The following LHPP variants were observed in gnomAD, a reference collection of about 807,000 sequenced individuals.
The protein encoded by LHPP is hLHPP.
In LHPP, 24 loss-of-function variants were observed where a neutral mutation model predicts 30.3. The ratio of observed to expected loss-of-function variants is 0.79; its 90% CI spans 0.57 to 1.11. LHPP has a LOEUF of 1.11. LHPP is among the 50% of genes most tolerant of loss of function. The pLI is 0.00. For synonymous variants in LHPP, 150 were observed against 157.1 expected (o/e 0.95, Z 0.34); for missense variants, 356 against 367.2 (o/e 0.97, Z 0.25).
intron 5 of LHPP, among the ~76,000 whole-genome samples, chr10:124,504,632 G>A (rs1397216561): frequency 6.6e-6 from 1 of 151,358 alleles, no homozygotes; most frequent in Non-Finnish European, 1.5e-5. Context: ...AAGAAGGAAG[G>A]AAGGAAAGAA....
chr10:124,589,843 G>C (rs972559205), intron 6 of LHPP, among the ~76,000 whole-genome samples: 1 of 152,146 alleles, frequency 6.6e-6, no homozygotes, highest in Non-Finnish European at 1.5e-5. Flanking sequence ...GTGCAGCCCC[G>C]TCCTCCAGCC....
intron 1 of LHPP, among the ~76,000 whole-genome samples, chr10:124,480,055 T>C (rs1445639253): frequency 3.9e-5 from 6 of 152,254 alleles, no homozygotes; most frequent in African/African-American, 1.4e-4. Context: ...ACCACCGTCC[T>C]TACCCAGATG....
intron 6 of LHPP, among the ~76,000 whole-genome samples, chr10:124,535,840 AG>A (rs575776162): frequency 1.4e-3 from 213 of 152,340 alleles, no homozygotes; most frequent in African/African-American, 4.9e-3. Flanking sequence ...GGGCTGCAAG[AG>A]CAGCTGCTTC....
chr10:124,533,394 A>G (rs1210694100), intron 6 of LHPP, among the ~76,000 whole-genome samples: 1 of 152,150 alleles, frequency 6.6e-6, no homozygotes, highest in Non-Finnish European at 1.5e-5. Context: ...ATGTCACCCA[A>G]AAGTTTGTGT....
At chr10:124,464,560 G>C (rs1439063642) in intron 1 of LHPP, among the ~76,000 whole-genome samples, 1 of 152,166 alleles carries the variant, frequency 6.6e-6, no homozygotes, top group Non-Finnish European at 1.5e-5. Context: ...AGTGTTGGCT[G>C]AAGTTCAGGG....
chr10:124,517,958 A>T lies in LHPP; in HGVS notation c.716+687A>T, dbSNP rs952313488. Among the ~76,000 whole-genome samples, 2 of 152,206 alleles carry T rather than the reference A, an allele frequency of 1.3e-5. No individual in the cohort carries two copies. Among genetic ancestry groups the T allele is most frequent in the Admixed American group, 6.5e-5 (1 of 15,286 alleles). On this transcript the variant is annotated intron_variant, in intron 6 of 6. Transcript: ENST00000368842. The surrounding 1 kb of genome is among the most constrained non-coding windows in gnomAD (Gnocchi z 4.1). ...TCGATTGTGGCCATTCAGAGAAAGT[A>T]CATCTTTGCAGATGCTGGGGAGACT...
At chr10:124,600,373 G>A (rs979118994) in intron 6 of LHPP, among the ~76,000 whole-genome samples, 1 of 152,266 alleles carries the variant, frequency 6.6e-6, no homozygotes, top group Non-Finnish European at 1.5e-5. Context: ...GGCGACTGGG[G>A]CAGGGTGGGG....
intron 6 of LHPP, among the ~76,000 whole-genome samples, chr10:124,602,084 C>G (rs1949030576): frequency 1.3e-5 from 2 of 152,296 alleles, no homozygotes; most frequent in South Asian, 2.1e-4. Context: ...CCGGGTCTAG[C>G]CAGAGTCAAC....
chr10:124,597,929 G>A lies in LHPP; in HGVS notation c.717-15335G>A, dbSNP rs545476613. On this transcript the variant is annotated intron_variant, in intron 6 of 6. Transcript: ENST00000368842. ...GCTCTGCTCCAAGGCCCTACGCCCA[G>A]GCCCGTCCCTCTGCCAAAGCGAGCC... Among the ~76,000 whole-genome samples the A allele has an allele frequency of 3.3e-5, 5 of 152,324 alleles. No individual in the cohort carries two copies. The South Asian group carries it at 1.0e-3, about 32-fold the overall frequency.
chr10:124,476,243 C>T (rs1004927610), intron 1 of LHPP, among the ~76,000 whole-genome samples: 2 of 152,174 alleles, frequency 1.3e-5, no homozygotes, highest in Admixed American at 1.3e-4. Flanking sequence ...TCTCTTCTCT[C>T]CATTCAAACT....
At chr10:124,578,513 C>T (rs1948699075) in intron 6 of LHPP, among the ~76,000 whole-genome samples, 3 of 152,368 alleles carry the variant, frequency 2.0e-5, no homozygotes, top group Admixed American at 6.5e-5. Context: ...GGGACGCAAA[C>T]GGTTACCACT....
intron 5 of LHPP, among the ~76,000 whole-genome samples, chr10:124,508,132 G>A (rs1277226069): frequency 6.6e-6 from 1 of 152,046 alleles, no homozygotes; most frequent in Non-Finnish European, 1.5e-5. Flanking sequence ...GCTGGTGAGT[G>A]GGGAGTACAT....
chr10:124,594,171 T>C, intron 6 of LHPP, among the ~76,000 whole-genome samples: 1 of 151,310 alleles, frequency 6.6e-6, no homozygotes, highest in East Asian at 1.9e-4. Flanking sequence ...CTACTAAAAA[T>C]ACAAAAAAAC....
intron 5 of LHPP, among the ~76,000 whole-genome samples, chr10:124,506,893 G>C (rs1470313585): frequency 2.9e-5 from 1 of 34,024 alleles, no homozygotes; most frequent in Non-Finnish European, 5.9e-5. Context: ...TTCAGGTTGG[G>C]GGGTAGGGAG....
chr10:124,581,759 A>G (rs1248128094), intron 6 of LHPP, among the ~76,000 whole-genome samples: 4 of 76,860 alleles, frequency 5.2e-5, no homozygotes, highest in African/African-American at 2.4e-4. Context: ...ATACATACAT[A>G]TATGTATATA....
intron 6 of LHPP, among the ~76,000 whole-genome samples, chr10:124,527,974 C>T (rs2133926140): frequency 6.6e-6 from 1 of 152,210 alleles, no homozygotes. Context: ...AAGATGGAGT[C>T]TCCCTGTGTT....
chr10:124,517,234 G>A lies in LHPP; in HGVS notation c.679G>A (p.Gly227Arg), dbSNP rs142386969. 8 of 1,605,934 alleles carry A rather than the reference G, an allele frequency of 5.0e-6. No individual in the cohort carries two copies. The African/African-American group carries it at 1.1e-4, about 22-fold the overall frequency. Residue 227 changes from glycine to arginine, a missense_variant, in exon 6 of 7, where the codon GGA becomes AGA. Coordinates refer to ENST00000368842, the MANE Select transcript of LHPP (RefSeq NM_022126.4). The surrounding 1 kb of genome is among the most constrained non-coding windows in gnomAD (Gnocchi z 4.1). The part of the protein sequence containing the change: ...VGDVGGAQRC[G>R]MRALQVRTGK... ...CGACGTCGGCGGTGCCCAGCGGTGT[G>A]GAATGAGAGCGCTGCAGGTGCGCAC...
intron 2 of LHPP, among the ~76,000 whole-genome samples, chr10:124,485,620 C>G (rs780252525): frequency 6.7e-6 from 1 of 149,566 alleles, no homozygotes; most frequent in Non-Finnish European, 1.5e-5. Context: ...TTTTTGGAGA[C>G]AGAGTCTTGC....
intron 1 of LHPP, among the ~76,000 whole-genome samples, chr10:124,483,934 G>A (rs1227020335): frequency 6.6e-6 from 1 of 151,998 alleles, no homozygotes; most frequent in Admixed American, 6.6e-5. Flanking sequence ...GCGTGGTATG[G>A]GGGTCCTCTG....
Sources: allele counts gnomAD v4.1 joint callset (sites outside exome capture counted in the v4.1 genomes callset), GRCh38; gene constraint gnomAD v4.1.1; non-coding constraint Gnocchi (gnomAD v3.1); transcripts MANE v1.5; gene names NCBI Gene and HGNC (gene_info 2026-07-23, HGNC 2026-07-21).